The following FRAS1 variants were observed in gnomAD, a reference collection of about 807,000 sequenced individuals.
FRAS1 encodes the protein Fraser extracellular matrix complex subunit 1.
FRAS1 carries 290 observed loss-of-function variants against 435.2 expected under a neutral mutation model. That is an observed-to-expected ratio of 0.67 (90% confidence interval 0.61 to 0.73). FRAS1 has a LOEUF of 0.73. FRAS1 is among the 30% of genes least tolerant of loss of function. The probability of loss-of-function intolerance (pLI) is 0.00; values close to 1 mark genes in which losing one functional copy is unlikely to be tolerated. For synonymous variants in FRAS1, 1,800 were observed against 1,851.0 expected (o/e 0.97, Z 0.71); for missense variants, 4,860 against 5,001.5 (o/e 0.97, Z 0.85).
intron 2 of FRAS1, among the ~76,000 whole-genome samples, chr4:78,159,415 G>A (rs1305970822): frequency 1.3e-5 from 2 of 152,134 alleles, no homozygotes; most frequent in African/African-American, 4.8e-5. Context: ...TATAAGATAG[G>A]GCTTTCATGT....
At position 78,508,027 on chromosome 4, in the gene FRAS1, A is replaced by G. The variant is rs143766660; in HGVS notation, c.9504+419A>G. Among the ~76,000 whole-genome samples the G allele has an allele frequency of 4.5e-4, 68 of 152,338 alleles. No individual in the cohort carries two copies. The East Asian group carries it at 0.01, about 23-fold the overall frequency. Reference sequence around the variant, plus strand: ...TACAATTGATCTTCTCATTTCTTTGATGGGACTTAGAAGAGTAAGAAGGTA... The same window carrying G: ...TACAATTGATCTTCTCATTTCTTTGGTGGGACTTAGAAGAGTAAGAAGGTA... On this transcript the variant is annotated intron_variant, in intron 62 of 73. Transcript: ENST00000512123.
chr4:78,460,466 G>A (rs1262511075), intron 47 of FRAS1, among the ~76,000 whole-genome samples: 1 of 152,218 alleles, frequency 6.6e-6, no homozygotes, highest in Non-Finnish European at 1.5e-5. Context: ...CCACCTTGCT[G>A]GCAAATGAGC....
At position 78,483,799 on chromosome 4, in the gene FRAS1, A is replaced by ATATATATATATATATATATATATATATAT. The variant is rs1560753038; in HGVS notation, c.8752+1264_8752+1265insTATATATATATATATATATATATATATAT. ...CTCTCTCTCTATATATATATATATA[A>ATATATATATATATATATATATATATATAT]AATTATGTATGTGTGATACACACAC... On this transcript the variant is annotated intron_variant, in intron 58 of 73. Coordinates refer to ENST00000512123, the MANE Select transcript of FRAS1 (RefSeq NM_025074.7). Among the ~76,000 whole-genome samples, 3 of 67,464 alleles carry ATATATATATATATATATATATATATATAT rather than the reference A, an allele frequency of 4.4e-5. 1 individual carries two copies. The highest frequency in any genetic ancestry group is 1.0e-4 in the Non-Finnish European group (3 of 28,796). The allele number at this position is 67,464 out of a possible 152,430, so 44.3% of individuals were successfully genotyped here. A position where few individuals can be genotyped will look rare whatever the true frequency, so the allele number is the denominator to read the frequency against.
chr4:78,456,893 T>C (rs1440402220), intron 47 of FRAS1, among the ~76,000 whole-genome samples: 1 of 152,210 alleles, frequency 6.6e-6, no homozygotes, highest in Non-Finnish European at 1.5e-5. Context: ...CGGTAGAGCA[T>C]ATTGAAATCA....
chr4:78,401,475 G>A (rs1424024017), intron 30 of FRAS1, among the ~76,000 whole-genome samples: 1 of 152,146 alleles, frequency 6.6e-6, no homozygotes, highest in African/African-American at 2.4e-5. Context: ...GCAACAAAGA[G>A]GACACTGAAG....
chr4:78,081,624 A>T (rs1656150718), intron 2 of FRAS1, among the ~76,000 whole-genome samples: 1 of 152,056 alleles, frequency 6.6e-6, no homozygotes, highest in African/African-American at 2.4e-5. Flanking sequence ...ATTGGCAAGA[A>T]CCTTATCACT....
chr4:78,151,354 GCCAGTCATGGT>G (rs1720653863), intron 2 of FRAS1, among the ~76,000 whole-genome samples: 1 of 141,362 alleles, frequency 7.1e-6, no homozygotes, highest in African/African-American at 3.2e-5. Flanking sequence ...TCTACCATGT[GCCAGTCATGGT>G]TCTTGGTCAT....
intron 37 of FRAS1, 114 bp from the exon 38 acceptor site, chr4:78,432,243 C>G: frequency 9.6e-7 from 1 of 1,042,076 alleles, no homozygotes; most frequent in East Asian, 2.7e-5. Context: ...TAGCCTGTAA[C>G]TCCCTGAGTT....
chr4:78,417,118 A>G (rs1163640998), intron 32 of FRAS1, among the ~76,000 whole-genome samples: 1 of 152,230 alleles, frequency 6.6e-6, no homozygotes, highest in Non-Finnish European at 1.5e-5. Context: ...ATACTTTGAT[A>G]TATCTCAAAC....
At chr4:78,360,562 G>T (rs927069342) in intron 20 of FRAS1, among the ~76,000 whole-genome samples, 4 of 152,140 alleles carry the variant, frequency 2.6e-5, no homozygotes, top group Non-Finnish European at 5.9e-5. Context: ...GGGAGGAAAT[G>T]AAATAAAAAC....
chr4:78,423,880 T>C (rs190856203), intron 34 of FRAS1, among the ~76,000 whole-genome samples: 94 of 152,320 alleles, frequency 6.2e-4, no homozygotes, highest in Non-Finnish European at 9.7e-4. Context: ...GTGGTTGAAG[T>C]CATCCACTAA....
intron 2 of FRAS1, among the ~76,000 whole-genome samples, chr4:78,096,509 C>A: frequency 6.6e-6 from 1 of 152,224 alleles, no homozygotes; most frequent in Non-Finnish European, 1.5e-5. Context: ...GCCCCTGCAG[C>A]AAACTTCTGC....
At chr4:78,121,246 C>T (rs1719002607) in intron 2 of FRAS1, among the ~76,000 whole-genome samples, 1 of 152,206 alleles carries the variant, frequency 6.6e-6, no homozygotes, top group Non-Finnish European at 1.5e-5. Context: ...GATTAAGATT[C>T]CTGCTCAATA....
intron 2 of FRAS1, among the ~76,000 whole-genome samples, chr4:78,123,872 T>A (rs1719177915): frequency 6.6e-6 from 1 of 152,234 alleles, no homozygotes; most frequent in African/African-American, 2.4e-5. Flanking sequence ...TAAGGAGATT[T>A]TGGGCTGAGA....
intron 2 of FRAS1, among the ~76,000 whole-genome samples, chr4:78,093,357 A>G (rs1347469848): frequency 6.6e-6 from 1 of 152,230 alleles, no homozygotes; most frequent in Non-Finnish European, 1.5e-5. Flanking sequence ...GCTAAGATAG[A>G]AAGTGCTAAG....
intron 23 of FRAS1, among the ~76,000 whole-genome samples, chr4:78,371,912 A>G (rs1731528790): frequency 6.6e-6 from 1 of 152,214 alleles, no homozygotes; most frequent in Non-Finnish European, 1.5e-5. Context: ...CTCTGATTTG[A>G]TAAATCTGAT....
chr4:78,206,148 G>A (rs1457935806), intron 2 of FRAS1, among the ~76,000 whole-genome samples: 2 of 152,106 alleles, frequency 1.3e-5, no homozygotes, highest in Non-Finnish European at 2.9e-5. Context: ...TCTTGAGATA[G>A]GAGTTAGAGT....
chr4:78,058,904 G>C (rs575090609), intron 1 of FRAS1, among the ~76,000 whole-genome samples: 2 of 152,314 alleles, frequency 1.3e-5, no homozygotes, highest in African/African-American at 4.8e-5. Flanking sequence ...CTGGGGACGC[G>C]AGGCGCTGTG....
chr4:78,506,375 G>A (rs1197739137), intron 61 of FRAS1, among the ~76,000 whole-genome samples: 2 of 152,250 alleles, frequency 1.3e-5, no homozygotes, highest in Non-Finnish European at 1.5e-5. Flanking sequence ...TATAGAGGCA[G>A]TAGGCCTTCC....
Sources: allele counts gnomAD v4.1 joint callset (sites outside exome capture counted in the v4.1 genomes callset), GRCh38; gene constraint gnomAD v4.1.1; transcripts MANE v1.5; gene names NCBI Gene and HGNC (gene_info 2026-07-23, HGNC 2026-07-21).